Variants in CD101 observed in about 807,000 individuals in gnomAD.
CD101 encodes the protein CD101 molecule, also known as immunoglobulin superfamily member 2.
Under a neutral mutation model 98.2 loss-of-function variants are expected in CD101, and 76 were observed. The ratio of observed to expected loss-of-function variants is 0.77; its 90% CI spans 0.64 to 0.94. CD101 has a LOEUF of 0.94. Ranked by LOEUF, CD101 falls within the 40% of genes least tolerant of loss-of-function variation. The probability of loss-of-function intolerance (pLI) is 0.00; values close to 1 mark genes in which losing one functional copy is unlikely to be tolerated. For missense variants in CD101, 1,145 were observed against 1,218.8 expected, an observed-to-expected ratio of 0.94 and a Z score of 0.90; for synonymous variants, 471 against 472.7, an observed-to-expected ratio of 1.00 and a Z score of 0.05.
In CD101 at chr1:117,017,316, G is replaced by A. The variant is rs978244877; in HGVS notation, c.1455G>A (p.Arg485=). The change falls in exon 5 of 10, where the codon AGG becomes AGA. Residue 485 remains arginine (R), a synonymous_variant. Transcript: ENST00000682167. ...TACCCAGTTACCATGGCAACACAAG[G>A]CTGGAGAAAATGGACTGGGCCACCT... The part of the protein sequence containing the change: ...YGVPSYHGNT[R]LEKMDWATFQ... 3 of 1,614,244 alleles carry A rather than the reference G, an allele frequency of 1.9e-6. No homozygotes were observed. The Admixed American group carries it at 5.0e-5, about 27-fold the overall frequency.
rs145901937 is a variant in CD101, at chr1:117,006,159, G to C, written c.44-3691G>C. Among the ~76,000 whole-genome samples, 11 of 151,904 alleles carry C rather than the reference G, an allele frequency of 7.2e-5. No individual in the cohort carries two copies. The East Asian group carries it at 1.9e-3, about 27-fold the overall frequency. ...TCCCAGGCAGCCTTATCAAACCTAT[G>C]ATCTTTGATTTCTTCCTACCTCTCA... On this transcript the variant is annotated intron_variant, in intron 1 of 9. Coordinates refer to ENST00000682167, the MANE Select transcript of CD101 (RefSeq NM_001256106.3). The surrounding 1 kb of genome is among the most constrained non-coding windows in gnomAD (Gnocchi z 4.4).
intron 6 of CD101, among the ~76,000 whole-genome samples, chr1:117,020,502 C>T (rs1365205315): frequency 6.6e-6 from 1 of 152,180 alleles, no homozygotes; most frequent in African/African-American, 2.4e-5. Context: ...CAAGATCATG[C>T]CACTGCACTC....
chr1:117,013,919 G>A (rs1653049692), intron 4 of CD101, 127 bp downstream of exon 4: 1 of 1,072,784 alleles, frequency 9.3e-7, no homozygotes, highest in South Asian at 1.8e-5. Flanking sequence ...CACATTGGAG[G>A]TGGAGTGGAG....
rs925676380 is a variant in CD101, at chr1:117,004,638, T to C, written c.43+2778T>C. Among the ~76,000 whole-genome samples the C allele has an allele frequency of 1.3e-5, 2 of 152,066 alleles. No individual in the cohort carries two copies. Among genetic ancestry groups the C allele is most frequent in the African/African-American group, 4.8e-5 (2 of 41,374 alleles). On this transcript the variant is annotated intron_variant, in intron 1 of 9. Coordinates refer to ENST00000682167, the MANE Select transcript of CD101 (RefSeq NM_001256106.3). The surrounding 1 kb of genome is among the most constrained non-coding windows in gnomAD (Gnocchi z 4.1). ...GCAAGAGGGCAGTCCTCACAGGTGT[T>C]TTTCGGAGGGTGGATGATATGTACT...
chr1:117,013,077 A>G (rs1453919292), intron 3 of CD101, among the ~76,000 whole-genome samples: 1 of 152,050 alleles, frequency 6.6e-6, no homozygotes, highest in Non-Finnish European at 1.5e-5. Flanking sequence ...TTTAATATAT[A>G]TATTTAATTC....
chr1:117,029,490 G>T (rs1654306307), intron 8 of CD101, among the ~76,000 whole-genome samples: 1 of 152,184 alleles, frequency 6.6e-6, no homozygotes, highest in South Asian at 2.1e-4. Context: ...AACTGCCACT[G>T]CCTCAGAGAC....
chr1:117,022,868 C>T lies in CD101; in HGVS notation c.2428+885C>T, dbSNP rs1404866544. Among the ~76,000 whole-genome samples, 1 of 152,204 alleles carries T rather than the reference C, an allele frequency of 6.6e-6. No homozygotes were observed. The highest frequency in any genetic ancestry group is 2.4e-5 in the African/African-American group (1 of 41,444). On this transcript the variant is annotated intron_variant, in intron 7 of 9. Coordinates refer to ENST00000682167, the MANE Select transcript of CD101 (RefSeq NM_001256106.3). The surrounding 1 kb of genome is among the most constrained non-coding windows in gnomAD (Gnocchi z 4.8). ...AGAACAGCAGCTTGGTTTGGGGTCT[C>T]TTCCTGCCCTCTGGCTTCCCTTCTG...
rs1406971620 is a variant in CD101 at position 117,012,491 on chromosome 1, T to A, written c.841+525T>A. ...CTCCAGTTTCCAACATGAAGCCTTG[T>A]CTTCGTCAGTGCTGGGGTTTCCTTC... On this transcript the variant is annotated intron_variant, in intron 3 of 9. Coordinates refer to ENST00000682167, the MANE Select transcript of CD101 (RefSeq NM_001256106.3). This position sits in a 1 kb window ranked among gnomAD's most constrained non-coding sequence, Gnocchi z 4.0. 6.6e-6 allele frequency among the ~76,000 whole-genome samples: 1 copy of A among 152,242 alleles called. No individual in the cohort carries two copies. Among genetic ancestry groups the A allele is most frequent in the African/African-American group, 2.4e-5 (1 of 41,460 alleles).
chr1:117,008,693 C>T (rs17580827), intron 1 of CD101, among the ~76,000 whole-genome samples: 3,248 of 152,190 alleles, frequency 0.021, 110 homozygotes, highest in Admixed American at 0.1. Flanking sequence ...TTATCATGTT[C>T]TCTGTAATGT....
In CD101 at chr1:117,025,555, T is replaced by G. The variant is rs767848693; in HGVS notation, c.2475T>G (p.Thr825=). 6.2e-7 allele frequency: 1 copy of G among 1,606,460 alleles called. No individual in the cohort carries two copies. The highest frequency in any genetic ancestry group is 1.1e-5 in the South Asian group (1 of 90,560). ...AAGTGTACTGGACCGAAAATGTGAC[T>G]GAGCACAGAGAAGTGGCCATCCGCT... The part of the protein sequence containing the change: ...VSKVYWTENV[T]EHREVAIRCS... The change falls in exon 8 of 10, where the codon ACT becomes ACG. Residue 825 remains threonine, a synonymous_variant. Transcript: ENST00000682167.
chr1:117,025,430 G>T, intron 7 of CD101, 79 bp from the exon 8 acceptor site: 2 of 1,243,928 alleles, frequency 1.6e-6, no homozygotes, highest in Non-Finnish European at 2.2e-6. Context: ...GATCTTCCCA[G>T]TGAGAACTAG....
chr1:117,018,316 G>A lies in CD101; in HGVS notation c.1773G>A (p.Gln591=), dbSNP rs1409256302. The A allele has an allele frequency of 1.2e-6, 2 of 1,614,054 alleles. No homozygotes were observed. The highest frequency in any genetic ancestry group is 1.7e-6 in the Non-Finnish European group (2 of 1,180,036). Residue 591 remains glutamine (Q), a synonymous_variant, in exon 6 of 10, where the codon CAG becomes CAA. Coordinates refer to ENST00000682167, the MANE Select transcript of CD101 (RefSeq NM_001256106.3). This position sits in a 1 kb window ranked among gnomAD's most constrained non-coding sequence, Gnocchi z 4.3. The part of the protein sequence containing the change: ...FQPASSHIFH[Q]LIRITHNGTI... ...CAGCTAGCTCTCACATCTTCCACCA[G>A]CTTATTCGAATCACCCACAATGGCA...
Position 117,010,113 on chromosome 1 carries a change from T to C in CD101, c.307T>C (p.Ser103Pro). Residue 103 changes from serine (S) to proline (P), a missense_variant, in exon 2 of 10, where the codon TCA (serine) becomes CCA (proline). Coordinates refer to ENST00000682167, the MANE Select transcript of CD101 (RefSeq NM_001256106.3). This position sits in a 1 kb window ranked among gnomAD's most constrained non-coding sequence, Gnocchi z 5.2. The part of the protein sequence containing the change: ...DVYVERVQGN[S>P]VLLHISKLQM... ...CTACGTGGAGAGGGTCCAGGGCAAC[T>C]CAGTCTTGTTGCACATCTCAAAACT... The C allele has an allele frequency of 6.2e-7, 1 of 1,614,218 alleles. No individual in the cohort carries two copies. The highest frequency in any genetic ancestry group is 1.1e-5 in the South Asian group (1 of 91,086).
In CD101 at chr1:117,033,427, TGAGA is replaced by T. The variant is rs1435444168; in HGVS notation, c.2825-432_2825-429del. 6.6e-6 allele frequency among the ~76,000 whole-genome samples: 1 copy of T among 152,044 alleles called. No homozygotes were observed. The highest frequency in any genetic ancestry group is 2.4e-5 in the African/African-American group (1 of 41,388). On this transcript the variant is annotated intron_variant, in intron 8 of 9. Transcript: ENST00000682167. This position sits in a 1 kb window ranked among gnomAD's most constrained non-coding sequence, Gnocchi z 4.8. ...GGCAGAGTGTGTGTGTATGTGTGTG[TGAGA>T]AAGAGTGTGTGCCTGTGTGTTGGAG...
intron 8 of CD101, among the ~76,000 whole-genome samples, chr1:117,029,129 CAGAAAGAAAGAA>C (rs1277611386): frequency 2.2e-4 from 4 of 18,522 alleles, no homozygotes; most frequent in African/African-American, 6.0e-4. Flanking sequence ...AGTCCAACAT[CAGAAAGAAAGAA>C]AGAAAGAAAG....
Position 117,017,368 on chromosome 1 carries a change from A to T in CD101, c.1507A>T (p.Ile503Phe). ...TFQLEITFTA[I>F]TDSGTYECRV... ...CCAGCTGGAGATCACCTTCACTGCC[A>T]TCACAGACAGTGGCACATATGAGTG... Residue 503 changes from isoleucine to phenylalanine, a missense_variant, in exon 5 of 10, where the codon ATC becomes TTC. Coordinates refer to ENST00000682167, the MANE Select transcript of CD101 (RefSeq NM_001256106.3). 1 of 1,614,256 alleles carries T rather than the reference A, an allele frequency of 6.2e-7. No individual in the cohort carries two copies.
rs1204615979 is a variant in CD101, at chr1:117,023,776, G to A, written c.2429-1733G>A. 1.3e-5 allele frequency among the ~76,000 whole-genome samples: 2 copies of A among 152,106 alleles called. No individual in the cohort carries two copies. Among genetic ancestry groups the A allele is most frequent in the Non-Finnish European group, 2.9e-5 (2 of 68,038 alleles). On this transcript the variant is annotated intron_variant, in intron 7 of 9. Coordinates refer to ENST00000682167, the MANE Select transcript of CD101 (RefSeq NM_001256106.3). This position sits in a 1 kb window ranked among gnomAD's most constrained non-coding sequence, Gnocchi z 4.4. ...ACATACCTGTGGGCTTGGTGTGGCT[G>A]TGGACTTCCGGTTGTGCACGTCATT... is the stretch of plus-strand genomic sequence containing the variant.
chr1:117,033,827 T>C lies in CD101; in HGVS notation c.2825-33T>C. On this transcript the variant is annotated intron_variant, in intron 8 of 9. Coordinates refer to ENST00000682167, the MANE Select transcript of CD101 (RefSeq NM_001256106.3). The surrounding 1 kb of genome is among the most constrained non-coding windows in gnomAD (Gnocchi z 4.8). ...TTGACTAGTACAAATAAGTTGGAGATGAATTACTCTCTTGTTTCTCCCTTC... is the reference window on the plus strand; with the variant it reads ...TTGACTAGTACAAATAAGTTGGAGACGAATTACTCTCTTGTTTCTCCCTTC... The C allele has an allele frequency of 5.0e-6, 8 of 1,612,752 alleles. No individual in the cohort carries two copies. The highest frequency in any genetic ancestry group is 1.3e-5 in the African/African-American group (1 of 74,948).
Position 117,004,069 on chromosome 1 carries a change from T to C in CD101, c.43+2209T>C, listed in dbSNP as rs114620757. ...TGTCATGGGTAAATGAGTTCTCGGA[T>C]TTAGCAGTTAGCTTTGTCTGCTTGA... On this transcript the variant is annotated intron_variant, in intron 1 of 9. Coordinates refer to ENST00000682167, the MANE Select transcript of CD101 (RefSeq NM_001256106.3). The surrounding 1 kb of genome is among the most constrained non-coding windows in gnomAD (Gnocchi z 4.1). Among the ~76,000 whole-genome samples the C allele has an allele frequency of 0.02, 3,048 of 152,328 alleles. 110 individuals are homozygous for C. The highest frequency in any genetic ancestry group is 0.07 in the African/African-American group (2,920 of 41,556).
Sources: gnomAD v4.1 joint callset for allele counts (sites outside exome capture counted in the v4.1 genomes callset) on GRCh38, gnomAD v4.1.1 for gene constraint, Gnocchi (gnomAD v3.1) non-coding constraint, MANE v1.5 for transcripts, NCBI Gene and HGNC (gene_info 2026-07-23, HGNC 2026-07-21) for gene names.